Variants in PTPRG observed in about 807,000 individuals in gnomAD.
PTPRG encodes the protein protein tyrosine phosphatase receptor type G, also known as receptor-type tyrosine-protein phosphatase gamma.
A neutral mutation model predicts 165.3 loss-of-function variants in PTPRG; 102 were observed. The observed-to-expected ratio is 0.62, with a 90% confidence interval of 0.53 to 0.73. PTPRG has a LOEUF of 0.73. Ranked by LOEUF, PTPRG falls within the 30% of genes least tolerant of loss-of-function variation. The pLI is 0.00. For synonymous variants in PTPRG, 675 were observed against 669.5 expected (o/e 1.01, Z -0.13); for missense variants, 1,866 against 1,861.4 (o/e 1.00, Z -0.05).
chr3:61,610,315 G>A (rs969097824), intron 1 of PTPRG, among the ~76,000 whole-genome samples: 38 of 152,086 alleles, frequency 2.5e-4, no homozygotes, highest in African/African-American at 8.7e-4. Context: ...AATAAAATCT[G>A]CAGTACTACT....
At chr3:61,886,640 A>C (rs1270021181) in intron 2 of PTPRG, among the ~76,000 whole-genome samples, 29 of 152,118 alleles carry the variant, frequency 1.9e-4, no homozygotes, top group Admixed American at 1.9e-3. Context: ...GAAGATGGGG[A>C]GTTAACAGGT....
chr3:61,950,158 G>A (rs972471278), intron 2 of PTPRG, among the ~76,000 whole-genome samples: 1 of 152,146 alleles, frequency 6.6e-6, no homozygotes, highest in Non-Finnish European at 1.5e-5. Flanking sequence ...GGCTTACAAG[G>A]TCCTTTTTAG....
At chr3:61,747,602 T>A (rs2033260760) in intron 1 of PTPRG, among the ~76,000 whole-genome samples, 1 of 151,770 alleles carries the variant, frequency 6.6e-6, no homozygotes, top group African/African-American at 2.4e-5. Flanking sequence ...GTCTTTTTAA[T>A]TGAAGTGTAA....
rs36075660 is a variant in PTPRG, at chr3:61,698,295, A to AT, written c.86-50576dup. 7.9e-5 allele frequency among the ~76,000 whole-genome samples: 12 copies of AT among 151,836 alleles called. No individual in the cohort carries two copies. The South Asian group carries it at 1.9e-3, about 24-fold the overall frequency. On this transcript the variant is annotated intron_variant, in intron 1 of 29. Transcript: ENST00000474889. ...GTTAATGTTGCTTATCATCATCATC[A>AT]TTTTTTTCTGGAAAGGGCCACATAG...
intron 5 of PTPRG, among the ~76,000 whole-genome samples, chr3:62,093,538 A>G (rs1454328514): frequency 3.3e-5 from 5 of 152,220 alleles, no homozygotes; most frequent in Admixed American, 2.0e-4. Context: ...AAACCCAGGT[A>G]TGAGATTTGC....
At chr3:62,152,270 G>C (rs558988156) in intron 6 of PTPRG, among the ~76,000 whole-genome samples, 1 of 152,058 alleles carries the variant, frequency 6.6e-6, no homozygotes, top group Non-Finnish European at 1.5e-5. Flanking sequence ...TACTCAGGAA[G>C]CTGAGAGGGG....
At chr3:61,734,971 G>A (rs2106851128) in intron 1 of PTPRG, among the ~76,000 whole-genome samples, 1 of 152,182 alleles carries the variant, frequency 6.6e-6, no homozygotes, top group Non-Finnish European at 1.5e-5. Flanking sequence ...TAGCATAATT[G>A]GTCAGAGCCA....
chr3:62,164,350 T>C (rs1004182414), intron 7 of PTPRG, among the ~76,000 whole-genome samples: 3 of 152,152 alleles, frequency 2.0e-5, no homozygotes, highest in African/African-American at 7.2e-5. Flanking sequence ...TGTAGACTCC[T>C]CTCACCAATC....
chr3:62,030,910 T>C (rs1305358927), intron 4 of PTPRG, among the ~76,000 whole-genome samples: 5 of 152,206 alleles, frequency 3.3e-5, no homozygotes, highest in Non-Finnish European at 2.9e-5. Context: ...ATGCTTTAGA[T>C]TTAGTCAATA....
At chr3:61,786,839 A>G (rs1175045009) in intron 2 of PTPRG, among the ~76,000 whole-genome samples, 2 of 152,218 alleles carry the variant, frequency 1.3e-5, no homozygotes, top group African/African-American at 4.8e-5. Context: ...TGTCTTTGAA[A>G]TGTCCCACTG....
intron 4 of PTPRG, among the ~76,000 whole-genome samples, chr3:62,040,233 C>A (rs1360751518): frequency 2.0e-5 from 3 of 152,186 alleles, no homozygotes; most frequent in Non-Finnish European, 2.9e-5. Flanking sequence ...TTCCAAGTTT[C>A]ACAAATTGGA....
intron 12 of PTPRG, among the ~76,000 whole-genome samples, chr3:62,208,516 C>G (rs1223973139): frequency 6.6e-6 from 1 of 152,182 alleles, no homozygotes; most frequent in Non-Finnish European, 1.5e-5. Flanking sequence ...ACTGCATCTT[C>G]TGGCTCAGCC....
chr3:61,987,031 T>G (rs776575759), intron 2 of PTPRG, among the ~76,000 whole-genome samples: 31 of 152,190 alleles, frequency 2.0e-4, no homozygotes, highest in Non-Finnish European at 3.4e-4. Flanking sequence ...TCTCAGTCTT[T>G]TATAAAGTGT....
rs574808424 is a variant in PTPRG at position 62,013,610 on chromosome 3, G to T, written c.519+10113G>T. Among the ~76,000 whole-genome samples, 180 of 152,154 alleles carry T rather than the reference G, an allele frequency of 1.2e-3. 1 individual carries two copies. Among genetic ancestry groups the T allele is most frequent in the African/African-American group, 4.1e-3 (170 of 41,510 alleles). ...GCTTGGGTAGCTATGGGAAATGATG[G>T]GTATATTAATATGTTTCACTATAAT... On this transcript the variant is annotated intron_variant, in intron 4 of 29. Transcript: ENST00000474889.
intron 2 of PTPRG, among the ~76,000 whole-genome samples, chr3:61,874,903 C>T (rs2037691941): frequency 1.3e-5 from 2 of 152,288 alleles, no homozygotes; most frequent in South Asian, 2.1e-4. Flanking sequence ...AATCTGGCAT[C>T]ACAAAATTTG....
At chr3:62,192,526 AGC>A (rs1490060781) in intron 9 of PTPRG, among the ~76,000 whole-genome samples, 1 of 147,576 alleles carries the variant, frequency 6.8e-6, no homozygotes, top group Non-Finnish European at 1.5e-5. Flanking sequence ...CTCCTGCCTC[AGC>A]CTCCCAAGTA....
chr3:62,048,734 A>G (rs898852314), intron 4 of PTPRG, among the ~76,000 whole-genome samples: 1 of 152,180 alleles, frequency 6.6e-6, no homozygotes, highest in Non-Finnish European at 1.5e-5. Flanking sequence ...TTTATTCTCT[A>G]TCTAGAATCA....
chr3:61,885,394 C>T (rs2038000133), intron 2 of PTPRG, among the ~76,000 whole-genome samples: 2 of 149,460 alleles, frequency 1.3e-5, no homozygotes, highest in Admixed American at 1.3e-4. Flanking sequence ...AAGAGCTAGC[C>T]ACTGTCGGTG....
intron 5 of PTPRG, among the ~76,000 whole-genome samples, chr3:62,085,191 C>T (rs1156607841): frequency 6.6e-6 from 1 of 152,216 alleles, no homozygotes; most frequent in Non-Finnish European, 1.5e-5. Context: ...AAGGAAACCT[C>T]TGTGTTTTAT....
Sources: gnomAD v4.1 joint callset for allele counts (sites outside exome capture counted in the v4.1 genomes callset) on GRCh38, gnomAD v4.1.1 for gene constraint, MANE v1.5 for transcripts, NCBI Gene and HGNC (gene_info 2026-07-23, HGNC 2026-07-21) for gene names.